ADCY7: variants seen among roughly 807,000 people sequenced by gnomAD.
ADCY7 encodes adenylate cyclase type 7.
A neutral mutation model predicts 120.6 loss-of-function variants in ADCY7; 72 were observed. The observed-to-expected ratio is 0.60, with a 90% CI of 0.49 to 0.73. ADCY7 has a LOEUF of 0.73. Among genes scored for constraint, ADCY7 ranks in the 30% least tolerant of loss-of-function variants. The pLI is 0.00. For missense variants in ADCY7, 1,227 were observed against 1,486.0 expected (o/e 0.83, Z 2.87); for synonymous variants, 661 against 628.0 (o/e 1.05, Z -0.78).
At chr16:50,253,532 G>C (rs1317009319) in intron 1 of ADCY7, among the ~76,000 whole-genome samples, 3 of 152,172 alleles carry the variant, frequency 2.0e-5, no homozygotes, top group Non-Finnish European at 4.4e-5. Flanking sequence ...GGAATTATAG[G>C]TGTGAGCCAC....
At chr16:50,260,413 G>A (rs1596800175) in intron 1 of ADCY7, among the ~76,000 whole-genome samples, 1 of 152,286 alleles carries the variant, frequency 6.6e-6, no homozygotes, top group Non-Finnish European at 1.5e-5. Flanking sequence ...GACTTTGTGG[G>A]GATTCAGGCA....
chr16:50,279,277 C>T (rs1324186641), intron 1 of ADCY7, among the ~76,000 whole-genome samples: 1 of 152,230 alleles, frequency 6.6e-6, no homozygotes, highest in African/African-American at 2.4e-5. Flanking sequence ...AGCCAGCACC[C>T]TCTTGTCCTG....
chr16:50,312,323 G>A (rs2036532869), intron 21 of ADCY7, 132 bp downstream of exon 21: 2 of 996,944 alleles, frequency 2.0e-6, no homozygotes, highest in Admixed American at 2.3e-5. Context: ...GGGATGCCCA[G>A]GCGACAATGT....
intron 1 of ADCY7, among the ~76,000 whole-genome samples, chr16:50,284,782 C>T (rs1320472079): frequency 6.6e-6 from 1 of 152,256 alleles, no homozygotes; most frequent in Non-Finnish European, 1.5e-5. Flanking sequence ...TCCACCAGCT[C>T]CAGCAGTGTG....
At chr16:50,287,666 T>G (rs1596888069) in intron 1 of ADCY7, among the ~76,000 whole-genome samples, 6 of 134,580 alleles carry the variant, frequency 4.5e-5, no homozygotes, top group South Asian at 2.5e-4. Flanking sequence ...GGCAACAGAG[T>G]GAGGCCCTGT....
At chr16:50,258,180 G>A (rs1397157243) in intron 1 of ADCY7, among the ~76,000 whole-genome samples, 2 of 152,160 alleles carry the variant, frequency 1.3e-5, no homozygotes, top group Admixed American at 6.5e-5. Flanking sequence ...AGGCTGCAGT[G>A]AGCTATGACT....
intron 1 of ADCY7, among the ~76,000 whole-genome samples, chr16:50,259,709 G>A (rs758802098): frequency 6.6e-6 from 1 of 152,214 alleles, no homozygotes; most frequent in South Asian, 2.1e-4. Flanking sequence ...AGTAGCCGCA[G>A]GGTGCCGGGT....
In ADCY7 at chr16:50,310,707, C is replaced by T. The variant is rs1157073817; in HGVS notation, c.2181C>T (p.Val727=). 5 of 1,613,876 alleles carry T rather than the reference C, an allele frequency of 3.1e-6. No individual in the cohort carries two copies. In the South Asian group the frequency reaches 4.4e-5, roughly 14 times the overall value. ...CTCAGTACTACACCTGCAGCTGTGT[C>T]CTGGGCTTCATCGCCTGCTCGGTCT... ...EPLPYYTCSC[V]LGFIACSVFL... Residue 727 remains valine, a synonymous_variant, in exon 19 of 26, where the codon GTC becomes GTT. Coordinates refer to ENST00000673801, the MANE Select transcript of ADCY7 (RefSeq NM_001114.5).
At position 50,300,880 on chromosome 16, in the gene ADCY7, C is replaced by G. The variant is rs745430694; in HGVS notation, c.1235+7C>G. On this transcript the variant is annotated splice_region_variant and intron_variant, in intron 9 of 25. Coordinates refer to ENST00000673801, the MANE Select transcript of ADCY7 (RefSeq NM_001114.5). ...AGGCAGCCGGAGTACCCGGGTGAGG[C>G]TGGGCTGGGTAGCCGCAGGGACAGA... 6.4e-7 allele frequency: 1 copy of G among 1,554,438 alleles called. No homozygotes were observed. The highest frequency in any genetic ancestry group is 1.2e-5 in the South Asian group (1 of 84,322).
At chr16:50,309,089 C>G in intron 17 of ADCY7, 1 of 365,030 alleles carries the variant, frequency 2.7e-6, no homozygotes, top group South Asian at 5.7e-5. Flanking sequence ...AGTTTCCCCT[C>G]TCAGGGATGA....
At chr16:50,276,769 A>T (rs1454588212) in intron 1 of ADCY7, among the ~76,000 whole-genome samples, 1 of 151,840 alleles carries the variant, frequency 6.6e-6, no homozygotes, top group Non-Finnish European at 1.5e-5. Flanking sequence ...TAGTTTTAAA[A>T]TTTTTTTAGA....
intron 1 of ADCY7, among the ~76,000 whole-genome samples, chr16:50,268,909 T>C (rs530450797): frequency 1.3e-5 from 2 of 152,274 alleles, no homozygotes; most frequent in East Asian, 3.9e-4. Context: ...TGGTGGCGTG[T>C]GCCTGTAGTC....
chr16:50,308,483 G>GTCC, intron 16 of ADCY7, 72 bp downstream of exon 16: 1 of 1,602,080 alleles, frequency 6.2e-7, no homozygotes, highest in South Asian at 1.1e-5. Flanking sequence ...GCCCTCCCTG[G>GTCC]TGAGCTTGGC....
In ADCY7 at chr16:50,288,222, G is replaced by A; in HGVS notation, c.43G>A (p.Gly15Ser). ...CTACTTCCTCAACGAGGGCGAGGAG[G>A]GCCCTGACCAAGATGCGCTCTACGA... is the stretch of plus-strand genomic sequence containing the variant. ...GRYFLNEGEE[G>S]PDQDALYEKY... is the part of the protein sequence containing the mutation. The change falls in exon 2 of 26, where the codon GGC becomes AGC. Residue 15 changes from glycine (G) to serine (S), a missense_variant. Gly to Ser is a moderately conservative substitution (Grantham distance 56, BLOSUM62 0). This residue lies in a region of ADCY7 where 382 missense variants were observed against 411.4 expected (regional missense o/e 0.93). Coordinates refer to ENST00000673801, the MANE Select transcript of ADCY7 (RefSeq NM_001114.5). 2 of 1,551,548 alleles carry A rather than the reference G, an allele frequency of 1.3e-6. No homozygotes were observed. The highest frequency in any genetic ancestry group is 1.7e-6 in the Non-Finnish European group (2 of 1,147,060).
chr16:50,249,151 A>C (rs977705108), intron 1 of ADCY7, among the ~76,000 whole-genome samples: 3 of 152,190 alleles, frequency 2.0e-5, no homozygotes, highest in African/African-American at 7.2e-5. Context: ...GCAAGTACTC[A>C]GGCTCTGGCC....
intron 22 of ADCY7, chr16:50,313,718 C>T (rs2036617228): frequency 1.9e-6 from 1 of 535,690 alleles, no homozygotes. Flanking sequence ...TCTGTGCAGA[C>T]ACAGATGGAA....
chr16:50,250,954 G>A (rs2032740121), intron 1 of ADCY7, among the ~76,000 whole-genome samples: 1 of 152,174 alleles, frequency 6.6e-6, no homozygotes, highest in South Asian at 2.1e-4. Flanking sequence ...TGCCTGTCTT[G>A]CCAGGTGAGG....
At chr16:50,267,888 C>T (rs1388957922) in intron 1 of ADCY7, among the ~76,000 whole-genome samples, 1 of 152,140 alleles carries the variant, frequency 6.6e-6, no homozygotes, top group Non-Finnish European at 1.5e-5. Flanking sequence ...CTCAGGAAGG[C>T]GTTTGCTGCA....
At chr16:50,307,256 T>G (rs2036132329) in intron 15 of ADCY7, 109 bp downstream of exon 15, 1 of 1,051,560 alleles carries the variant, frequency 9.5e-7, no homozygotes, top group African/African-American at 1.6e-5. Context: ...GGTCGGCTGC[T>G]GGGGTCCTAG....
Sources: gnomAD v4.1 joint callset for allele counts (sites outside exome capture counted in the v4.1 genomes callset) on GRCh38, gnomAD v4.1.1 for gene constraint, gnomAD v4.1.1 regional missense constraint, MANE v1.5 for transcripts, NCBI Gene and HGNC (gene_info 2026-07-23, HGNC 2026-07-21) for gene names.